The following INF2 variants were observed in gnomAD, a reference collection of about 807,000 sequenced individuals.
The protein encoded by INF2 is inverted formin-2.
In INF2, 43 loss-of-function variants were observed where a neutral mutation model predicts 123.5. That is an observed-to-expected ratio of 0.35 (90% CI 0.27 to 0.45). INF2 has a LOEUF of 0.45. Ranked by LOEUF, INF2 falls within the 20% of genes least tolerant of loss-of-function variation. The pLI is 1.00. For synonymous variants in INF2, 851 were observed against 745.0 expected (o/e 1.14, Z -2.32); for missense variants, 1,453 against 1,682.7 (o/e 0.86, Z 2.39).
Position 104,714,222 on chromosome 14 carries a change from A to C in INF2, c.3060A>C (p.Ala1020=). 1 of 1,549,724 alleles carries C rather than the reference A, an allele frequency of 6.5e-7. No homozygotes were observed. The highest frequency in any genetic ancestry group is 8.7e-7 in the Non-Finnish European group (1 of 1,149,732). The change falls in exon 21 of 23, where the codon GCA becomes GCC. Residue 1020 remains alanine (A), a synonymous_variant. Coordinates refer to ENST00000392634, the MANE Select transcript of INF2 (RefSeq NM_022489.4). ...ATEPVATSNP[A]GDPVGSTRCP... is the part of the protein sequence containing the mutation. Reference sequence around the variant, plus strand: ...ATCCAGTGGCCACCAGTAACCCTGCAGGAGATCCCGTGGGCAGCACGCGCT... The same window carrying C: ...ATCCAGTGGCCACCAGTAACCCTGCCGGAGATCCCGTGGGCAGCACGCGCT...
At chr14:104,715,985 TG>T in intron 22 of INF2, 1 of 455,644 alleles carries the variant, frequency 2.2e-6, no homozygotes, top group Non-Finnish European at 4.4e-6. Flanking sequence ...CCGAGTCTTC[TG>T]GGGGGCGACC....
At chr14:104,689,587 T>TGCAGCCCCCCC, upstream of INF2, 1 of 851,066 alleles carries the variant, frequency 1.2e-6, no homozygotes, top group Non-Finnish European at 1.4e-6. Context: ...CACCTCCTCT[T>TGCAGCCCCCCC]CCTCCCGCCC....
chr14:104,717,974 G>C (rs937270273), intron 22 of INF2, among the ~76,000 whole-genome samples: 14 of 152,220 alleles, frequency 9.2e-5, no homozygotes, highest in Non-Finnish European at 1.9e-4. Flanking sequence ...GGGGCCCTGA[G>C]CGCTTCCCAT....
At chr14:104,688,412 C>A (rs1436139585), upstream of INF2, among the ~76,000 whole-genome samples, 4 of 152,246 alleles carry the variant, frequency 2.6e-5, no homozygotes, top group African/African-American at 9.6e-5. Context: ...GAAGCTGCAT[C>A]GGGGCTGGGA....
rs147786924 is a variant in INF2, at chr14:104,716,125, T to C, written c.*1+785T>C. On this transcript the variant is annotated intron_variant, in intron 22 of 22. Coordinates refer to ENST00000392634, the MANE Select transcript of INF2 (RefSeq NM_022489.4). ...GAACCAGAAGGTCCAGCCCGGCCGA[T>C]CATGAGCTCTGTGAGCCCAGGTCGT... 8.9e-5 allele frequency: 32 copies of C among 360,544 alleles called. No individual in the cohort carries two copies. In the East Asian group the frequency reaches 2.2e-3, roughly 25 times the overall value. The allele number at this position is 360,544 out of a possible 1,614,324, so 22.3% of individuals were successfully genotyped here.
At chr14:104,709,972 C>G in intron 12 of INF2, 116 bp from the exon 13 acceptor site, 1 of 922,580 alleles carries the variant, frequency 1.1e-6, no homozygotes, top group South Asian at 1.4e-5. Flanking sequence ...ATGGGGCAGG[C>G]GGTGGAAACC....
intron 13 of INF2, chr14:104,710,621 A>C: frequency 1.9e-6 from 1 of 521,610 alleles, no homozygotes; most frequent in Non-Finnish European, 3.5e-6. Flanking sequence ...ATGTACAGAC[A>C]TAAGTGCACA....
rs767448951 is a variant in INF2 at position 104,707,410 on chromosome 14, C to T, written c.1143C>T (p.Pro381=). ...CGCAAAACACTACAACCCCCAAGCCCAGCGTGGAGGGCCAGCAGCCAGCAG... is the reference window on the plus strand; with the variant it reads ...CGCAAAACACTACAACCCCCAAGCCTAGCGTGGAGGGCCAGCAGCCAGCAG... ...SSPQNTTTPK[P]SVEGQQPAAA... Residue 381 remains proline (P), a synonymous_variant, in exon 8 of 23, where the codon CCC becomes CCT. Coordinates refer to ENST00000392634, the MANE Select transcript of INF2 (RefSeq NM_022489.4). 11 of 1,583,574 alleles carry T rather than the reference C, an allele frequency of 6.9e-6. No homozygotes were observed. The East Asian group carries it at 2.3e-4, about 34-fold the overall frequency.
chr14:104,708,107 C>T (rs944779110), intron 8 of INF2, 105 bp downstream of exon 8: 21 of 1,537,646 alleles, frequency 1.4e-5, no homozygotes, highest in Admixed American at 3.7e-5. Context: ...GCGTCCTGCC[C>T]GTGCGTGGCC....
chr14:104,715,371 T>G (rs371951113), intron 22 of INF2, 31 bp downstream of exon 22: 2 of 1,598,962 alleles, frequency 1.3e-6, no homozygotes, highest in Non-Finnish European at 1.7e-6. Context: ...CCGTGGGGGC[T>G]AACAGCAGCT....
At chr14:104,717,480 T>C (rs1162051517) in intron 22 of INF2, 1 of 152,322 alleles carries the variant, frequency 6.6e-6, no homozygotes, top group Non-Finnish European at 1.5e-5. Flanking sequence ...TAGTTGTTGC[T>C]TTGTTGTTTT....
chr14:104,695,440 A>T (rs1889141057), intron 1 of INF2, among the ~76,000 whole-genome samples: 1 of 152,030 alleles, frequency 6.6e-6, no homozygotes, highest in South Asian at 2.1e-4. Context: ...TGTGGCCTGT[A>T]GAAGGCCCAT....
At chr14:104,683,233 G>C (rs113328777) in intron 1 of INF2, among the ~76,000 whole-genome samples, 1 of 151,994 alleles carries the variant, frequency 6.6e-6, no homozygotes, top group Non-Finnish European at 1.5e-5. Flanking sequence ...AGGCAGCACA[G>C]ACTGGTTTGT....
intron 1 of INF2, among the ~76,000 whole-genome samples, chr14:104,696,903 G>A (rs566653771): frequency 2.6e-5 from 4 of 152,074 alleles, no homozygotes; most frequent in Admixed American, 6.5e-5. Flanking sequence ...CCAGAAGGGC[G>A]ACACCACAGC....
At chr14:104,694,744 C>G (rs1249411896) in intron 1 of INF2, among the ~76,000 whole-genome samples, 2 of 152,206 alleles carry the variant, frequency 1.3e-5, no homozygotes, top group African/African-American at 4.8e-5. Flanking sequence ...CTCCCCCACT[C>G]TCAATCTGTC....
intron 1 of INF2, among the ~76,000 whole-genome samples, chr14:104,698,363 T>C (rs1306069294): frequency 1.3e-5 from 2 of 152,262 alleles, no homozygotes; most frequent in Non-Finnish European, 2.9e-5. Flanking sequence ...AAGGCTGTTT[T>C]TGCAGAGCTC....
intron 22 of INF2, among the ~76,000 whole-genome samples, chr14:104,716,236 A>G (rs536614253): frequency 4.6e-5 from 7 of 152,340 alleles, no homozygotes; most frequent in African/African-American, 1.4e-4. Flanking sequence ...CCTGGGGCTT[A>G]GGCTCAAGGT....
At chr14:104,693,677 C>T (rs1889057728) in intron 1 of INF2, among the ~76,000 whole-genome samples, 1 of 152,224 alleles carries the variant, frequency 6.6e-6, no homozygotes, top group African/African-American at 2.4e-5. Flanking sequence ...GCCAGTGGTG[C>T]AGGGGTTTGT....
Position 104,699,749 on chromosome 14 carries a change from A to G in INF2, c.-9-1608A>G, listed in dbSNP as rs1411038756. 6.6e-6 allele frequency among the ~76,000 whole-genome samples: 1 copy of G among 152,174 alleles called. No individual in the cohort carries two copies. Among genetic ancestry groups the G allele is most frequent in the African/African-American group, 2.4e-5 (1 of 41,432 alleles). On this transcript the variant is annotated intron_variant, in intron 1 of 22. Transcript: ENST00000392634. The surrounding 1 kb of genome is among the most constrained non-coding windows in gnomAD (Gnocchi z 4.7). ...AGGGGCATCCCAAGGACAGCCTCTC[A>G]GGATGCTCCTGGCAGCCTGGTGCTG...
Sources: allele counts gnomAD v4.1 joint callset (sites outside exome capture counted in the v4.1 genomes callset), GRCh38; gene constraint gnomAD v4.1.1; non-coding constraint Gnocchi (gnomAD v3.1); transcripts MANE v1.5; gene names NCBI Gene and HGNC (gene_info 2026-07-23, HGNC 2026-07-21).